GRM5: variants seen among roughly 807,000 people sequenced by gnomAD.
GRM5 encodes glutamate metabotropic receptor 5, also known as metabotropic glutamate receptor 5.
GRM5 carries 19 observed loss-of-function variants against 83.1 expected under a neutral mutation model. The observed-to-expected ratio is 0.23, with a 90% confidence interval of 0.16 to 0.34. The LOEUF (loss-of-function observed/expected upper bound fraction) is 0.34, where lower values mean the gene tolerates loss of function less well. Among genes scored for constraint, GRM5 ranks in the 10% least tolerant of loss-of-function variants. The pLI, the probability that GRM5 is intolerant of heterozygous loss-of-function variation, is 1.00. For missense variants in GRM5, 1,160 were observed against 1,588.3 expected (o/e 0.73, Z 4.58); for synonymous variants, 675 against 633.6 (o/e 1.07, Z -0.98).
intron 3 of GRM5, among the ~76,000 whole-genome samples, chr11:88,796,433 C>A (rs1943274933): frequency 6.6e-6 from 1 of 152,076 alleles, no homozygotes; most frequent in African/African-American, 2.4e-5. Context: ...AGTGTCTTTT[C>A]TTTTAAATTT....
chr11:88,659,650 TATAAA>T (rs1939853661), intron 3 of GRM5, among the ~76,000 whole-genome samples: 1 of 152,206 alleles, frequency 6.6e-6, no homozygotes, highest in Admixed American at 6.5e-5. Flanking sequence ...TAGTTATAGT[TATAAA>T]ATAATTATGA....
At chr11:88,868,312 C>A (rs968953746) in intron 2 of GRM5, among the ~76,000 whole-genome samples, 1 of 151,818 alleles carries the variant, frequency 6.6e-6, no homozygotes, top group Non-Finnish European at 1.5e-5. Flanking sequence ...GATTTCAAAT[C>A]CCGGCTCTGA....
chr11:88,518,060 T>A (rs7109617), intron 9 of GRM5, among the ~76,000 whole-genome samples: 3,146 of 152,032 alleles, frequency 0.021, 111 homozygotes, highest in African/African-American at 0.072. Flanking sequence ...GAAACTGAGA[T>A]GAGAGAGTCA....
intron 5 of GRM5, among the ~76,000 whole-genome samples, chr11:88,599,631 T>C (rs1485804383): frequency 6.6e-6 from 1 of 152,240 alleles, no homozygotes; most frequent in African/African-American, 2.4e-5. Flanking sequence ...TACTCTTACG[T>C]AACTTTTAGT....
At chr11:88,916,876 T>C (rs999710039) in intron 2 of GRM5, among the ~76,000 whole-genome samples, 3 of 152,160 alleles carry the variant, frequency 2.0e-5, no homozygotes, top group Non-Finnish European at 4.4e-5. Flanking sequence ...AGCTCCCAGA[T>C]GACATTTCTA....
At chr11:88,556,777 T>G (rs1425142020) in intron 8 of GRM5, among the ~76,000 whole-genome samples, 2 of 152,124 alleles carry the variant, frequency 1.3e-5, no homozygotes, top group African/African-American at 4.8e-5. Flanking sequence ...TTAGAATGCA[T>G]GTCTTCGCTG....
intron 2 of GRM5, among the ~76,000 whole-genome samples, chr11:88,905,281 A>G (rs538542937): frequency 3.3e-5 from 5 of 152,304 alleles, no homozygotes; most frequent in African/African-American, 1.2e-4. Flanking sequence ...CCAAAGAGCA[A>G]AAGATAGGCC....
intron 4 of GRM5, among the ~76,000 whole-genome samples, chr11:88,611,970 AT>A (rs1008672368): frequency 2.7e-4 from 39 of 146,024 alleles, no homozygotes; most frequent in East Asian, 5.8e-4. Context: ...TTTATTTATT[AT>A]TTTTTTTTAT....
At chr11:88,546,969 T>C (rs1447560044) in intron 8 of GRM5, among the ~76,000 whole-genome samples, 1 of 152,150 alleles carries the variant, frequency 6.6e-6, no homozygotes, top group African/African-American at 2.4e-5. Context: ...GTCAGATGTA[T>C]TGGTTTCTCA....
At chr11:88,726,027 G>T (rs898146933) in intron 3 of GRM5, among the ~76,000 whole-genome samples, 10 of 152,128 alleles carry the variant, frequency 6.6e-5, no homozygotes, top group African/African-American at 2.4e-4. Flanking sequence ...AAAACTGGAT[G>T]GAGAATGAGT....
chr11:89,032,305 A>T (rs1323053359), intron 2 of GRM5, among the ~76,000 whole-genome samples: 1 of 152,106 alleles, frequency 6.6e-6, no homozygotes, highest in Non-Finnish European at 1.5e-5. Flanking sequence ...ACACAGTGAT[A>T]AAAACAGTAA....
intron 3 of GRM5, among the ~76,000 whole-genome samples, chr11:88,659,097 T>C (rs72639192): frequency 0.021 from 3,175 of 152,224 alleles, 90 homozygotes; most frequent in East Asian, 0.12. Flanking sequence ...GCAGTAAGAA[T>C]GAAGAGCCAT....
intron 2 of GRM5, among the ~76,000 whole-genome samples, chr11:88,930,528 C>G (rs181266273): frequency 6.6e-6 from 1 of 152,148 alleles, no homozygotes; most frequent in East Asian, 1.9e-4. Context: ...TTGCCAACTT[C>G]TTTGTTTTTT....
chr11:88,684,842 C>T (rs754092427), intron 3 of GRM5, among the ~76,000 whole-genome samples: 18 of 152,166 alleles, frequency 1.2e-4, no homozygotes, highest in Middle Eastern at 3.2e-3. Context: ...GTAAGAAGTG[C>T]CTTTTGCCTC....
At chr11:89,005,017 T>C (rs1438038429) in intron 2 of GRM5, among the ~76,000 whole-genome samples, 1 of 152,180 alleles carries the variant, frequency 6.6e-6, no homozygotes. Context: ...GGAATACATT[T>C]TGGCAGACCA....
At chr11:88,706,695 A>T (rs539936819) in intron 3 of GRM5, among the ~76,000 whole-genome samples, 7 of 152,096 alleles carry the variant, frequency 4.6e-5, no homozygotes, top group Non-Finnish European at 1.0e-4. Context: ...CAGAAATAAT[A>T]CAGAAAATGT....
At chr11:89,050,075 G>A (rs1258571010) in intron 1 of GRM5, among the ~76,000 whole-genome samples, 2 of 152,164 alleles carry the variant, frequency 1.3e-5, no homozygotes, top group Non-Finnish European at 2.9e-5. Flanking sequence ...GGCTCGTGTG[G>A]CTGAAATATC....
intron 7 of GRM5, among the ~76,000 whole-genome samples, chr11:88,573,964 A>G (rs1943055789): frequency 6.6e-6 from 1 of 152,180 alleles, no homozygotes; most frequent in Non-Finnish European, 1.5e-5. Context: ...TCACTTCCAT[A>G]ATTCAGAGAA....
rs61456975 is a variant in GRM5, at chr11:88,885,450, G to GTTTTTT, written c.662-35301_662-35296dup. ...TTCTGAATTCTATAGTAGGTACCATGTTTTTTTTTTTTTTTTTTTTTTTTT... is the reference window on the plus strand; with the variant it reads ...TTCTGAATTCTATAGTAGGTACCATGTTTTTTTTTTTTTTTTTTTTTTTTTTTTTTT... On this transcript the variant is annotated intron_variant, in intron 2 of 9. Coordinates refer to ENST00000305447, the MANE Select transcript of GRM5 (RefSeq NM_001143831.3). Among the ~76,000 whole-genome samples, 10 of 62,664 alleles carry GTTTTTT rather than the reference G, an allele frequency of 1.6e-4. 1 individual carries two copies. Among genetic ancestry groups the GTTTTTT allele is most frequent in the African/African-American group, 5.9e-4 (10 of 16,892 alleles). 41.1% of individuals were successfully genotyped at this position (62,664 alleles called of 152,430 possible).
Sources: allele counts gnomAD v4.1 joint callset (sites outside exome capture counted in the v4.1 genomes callset), GRCh38; gene constraint gnomAD v4.1.1; transcripts MANE v1.5; gene names NCBI Gene and HGNC (gene_info 2026-07-23, HGNC 2026-07-21).